Variants in RUSC2 observed in about 807,000 individuals in gnomAD.
The protein encoded by RUSC2 is RUN and SH3 domain containing 2.
A neutral mutation model predicts 122.2 loss-of-function variants in RUSC2; 34 were observed. That is an observed-to-expected ratio of 0.28 (90% CI 0.21 to 0.37). The LOEUF is 0.37. RUSC2 is among the 10% of genes least tolerant of loss of function. RUSC2 has a pLI of 1.00. For synonymous variants in RUSC2, 784 were observed against 790.0 expected (o/e 0.99, Z 0.13); for missense variants, 1,747 against 1,952.4 (o/e 0.89, Z 1.98).
At chr9:35,560,931 C>T (rs1238024513) in intron 10 of RUSC2, 29 bp from the exon 11 acceptor site, 1 of 1,608,908 alleles carries the variant, frequency 6.2e-7, no homozygotes, top group South Asian at 1.1e-5. Flanking sequence ...CCATCCTGGG[C>T]AGAGCCTGAG....
At chr9:35,507,638 G>A (rs1231291118) in intron 1 of RUSC2, 1 of 233,286 alleles carries the variant, frequency 4.3e-6, no homozygotes, top group East Asian at 1.1e-4. Flanking sequence ...AAGTGACATA[G>A]TCCAAGAAGG....
chr9:35,559,190 C>T (rs754087565), intron 8 of RUSC2, 36 bp from the exon 9 acceptor site: 1 of 1,578,120 alleles, frequency 6.3e-7, no homozygotes, highest in South Asian at 1.1e-5. Context: ...GCTGTATTCA[C>T]ACAAGACTCA....
intron 1 of RUSC2, among the ~76,000 whole-genome samples, chr9:35,526,047 G>A (rs1821319316): frequency 1.3e-5 from 2 of 152,138 alleles, no homozygotes; most frequent in Admixed American, 1.3e-4. Flanking sequence ...TCTATAAAAT[G>A]GTCAGTTTAC....
chr9:35,502,368 G>A (rs1396643210), intron 1 of RUSC2, among the ~76,000 whole-genome samples: 1 of 152,122 alleles, frequency 6.6e-6, no homozygotes, highest in East Asian at 1.9e-4. Context: ...AAGAGTGTGG[G>A]ATATATCACC....
At chr9:35,503,177 T>C (rs542202782) in intron 1 of RUSC2, among the ~76,000 whole-genome samples, 3 of 152,134 alleles carry the variant, frequency 2.0e-5, no homozygotes, top group Non-Finnish European at 4.4e-5. Context: ...AGTTCTTTAG[T>C]GGTGACTTCT....
intron 1 of RUSC2, among the ~76,000 whole-genome samples, chr9:35,495,582 A>G (rs911706406): frequency 3.9e-5 from 6 of 151,986 alleles, no homozygotes; most frequent in African/African-American, 1.4e-4. Context: ...CTTTGTAGTA[A>G]GTTTGGAAAA....
intron 1 of RUSC2, among the ~76,000 whole-genome samples, chr9:35,509,817 A>G (rs1820981176): frequency 6.6e-6 from 1 of 152,302 alleles, no homozygotes; most frequent in East Asian, 1.9e-4. Context: ...TAGATGTCTT[A>G]TATATCTTCT....
chr9:35,534,683 A>C (rs1821488825), intron 1 of RUSC2, among the ~76,000 whole-genome samples: 1 of 152,028 alleles, frequency 6.6e-6, no homozygotes, highest in African/African-American at 2.4e-5. Flanking sequence ...AGGTTTTGCC[A>C]TGTTGGCCAG....
At chr9:35,524,928 A>C (rs565803266) in intron 1 of RUSC2, among the ~76,000 whole-genome samples, 1 of 151,176 alleles carries the variant, frequency 6.6e-6, no homozygotes. Context: ...CCAAGATCGC[A>C]CCACTGCACT....
At chr9:35,543,924 A>C (rs1439316775) in intron 1 of RUSC2, among the ~76,000 whole-genome samples, 3 of 152,200 alleles carry the variant, frequency 2.0e-5, no homozygotes, top group Non-Finnish European at 4.4e-5. Flanking sequence ...TTTGTGTACA[A>C]GCTTTAGTGT....
In RUSC2 at chr9:35,560,718, C is replaced by T. The variant is rs200798902; in HGVS notation, c.4078C>T (p.Arg1360Trp). Reference protein sequence around the residue: ...DSVLAELRRSREREGPAASPA... With the variant: ...DSVLAELRRSWEREGPAASPA... ...TGTGCTGGCCGAGCTGAGGCGCAGT[C>T]GGGAGAGGGAAGGGCCCGCTGCCTC... is the stretch of plus-strand genomic sequence containing the variant. The change falls in exon 10 of 12, where the codon CGG (arginine) becomes TGG (tryptophan). Residue 1360 changes from arginine (R) to tryptophan (W), a missense_variant. Physicochemically the swap from Arg to Trp is moderately radical, Grantham distance 101. Transcript: ENST00000361226. 69 of 1,551,236 alleles carry T rather than the reference C, an allele frequency of 4.4e-5. No individual in the cohort carries two copies. In the African/African-American group the frequency reaches 5.7e-4, roughly 13 times the overall value.
Position 35,548,984 on chromosome 9 carries a change from A to G in RUSC2, c.2014+449A>G. Reference sequence around the variant, plus strand: ...GAGGTGGAGGTTGCACTGAGCTGAGATCATACCACTGCACTCCAGCCTGGG... The same window carrying G: ...GAGGTGGAGGTTGCACTGAGCTGAGGTCATACCACTGCACTCCAGCCTGGG... On this transcript the variant is annotated intron_variant, in intron 2 of 11. Coordinates refer to ENST00000361226, the MANE Select transcript of RUSC2 (RefSeq NM_014806.5). The surrounding 1 kb of genome is among the most constrained non-coding windows in gnomAD (Gnocchi z 4.5). The G allele has an allele frequency of 1.2e-6, 1 of 837,198 alleles. No homozygotes were observed. Among genetic ancestry groups the G allele is most frequent in the Non-Finnish European group, 1.4e-6 (1 of 694,832 alleles). 51.9% of individuals were successfully genotyped at this position (837,198 alleles called of 1,614,324 possible). A position where few individuals can be genotyped will look rare whatever the true frequency, so the allele number is the denominator to read the frequency against.
chr9:35,493,393 A>G (rs1820606829), intron 1 of RUSC2, among the ~76,000 whole-genome samples: 2 of 152,122 alleles, frequency 1.3e-5, no homozygotes, highest in Admixed American at 1.3e-4. Context: ...ATTGATGGGT[A>G]TTTAGGTTGA....
At chr9:35,493,138 CCTT>C (rs1237592902) in intron 1 of RUSC2, among the ~76,000 whole-genome samples, 4 of 152,130 alleles carry the variant, frequency 2.6e-5, no homozygotes, top group African/African-American at 9.7e-5. Context: ...TCCTCTCCCT[CCTT>C]CTACCCTCAA....
intron 1 of RUSC2, among the ~76,000 whole-genome samples, chr9:35,545,416 A>G (rs996753744): frequency 1.3e-5 from 2 of 152,248 alleles, no homozygotes; most frequent in African/African-American, 2.4e-5. Context: ...AGCAGGCCAC[A>G]CTGCCACGGT....
intron 1 of RUSC2, among the ~76,000 whole-genome samples, chr9:35,512,098 A>G (rs1306817976): frequency 6.6e-6 from 1 of 151,992 alleles, no homozygotes; most frequent in South Asian, 2.1e-4. Context: ...GGAGAATGGC[A>G]TGAACCCGGG....
At chr9:35,559,186 T>G in intron 8 of RUSC2, 40 bp from the exon 9 acceptor site, 3 of 1,556,978 alleles carry the variant, frequency 1.9e-6, no homozygotes, top group Non-Finnish European at 2.7e-6. Context: ...TCTGGCTGTA[T>G]TCACACAAGA....
chr9:35,535,622 T>A (rs1821509468), intron 1 of RUSC2, among the ~76,000 whole-genome samples: 1 of 149,882 alleles, frequency 6.7e-6, no homozygotes, highest in African/African-American at 2.5e-5. Flanking sequence ...CACTGCAAGC[T>A]CTGCCTCCTG....
At chr9:35,498,857 CAAA>C (rs932584560) in intron 1 of RUSC2, among the ~76,000 whole-genome samples, 2 of 144,492 alleles carry the variant, frequency 1.4e-5, no homozygotes, top group African/African-American at 2.6e-5. Flanking sequence ...AAAAAAAAAA[CAAA>C]AAAAGAAAAA....
Sources: gnomAD v4.1 joint callset for allele counts (sites outside exome capture counted in the v4.1 genomes callset) on GRCh38, gnomAD v4.1.1 for gene constraint, Gnocchi (gnomAD v3.1) non-coding constraint, MANE v1.5 for transcripts, NCBI Gene and HGNC (gene_info 2026-07-23, HGNC 2026-07-21) for gene names.